Variants in METTL25 observed in about 807,000 individuals in gnomAD.
METTL25 encodes the protein methyltransferase like 25.
Under a neutral mutation model 71.6 loss-of-function variants are expected in METTL25, and 64 were observed. The observed-to-expected ratio is 0.89, with a 90% CI of 0.73 to 1.10. METTL25 has a LOEUF of 1.10. METTL25 is among the 50% of genes least tolerant of loss of function. The pLI, the probability that METTL25 is intolerant of heterozygous loss-of-function variation, is 0.00. For synonymous variants in METTL25, 287 were observed against 250.3 expected (o/e 1.15, Z -1.38); for missense variants, 807 against 707.0 (o/e 1.14, Z -1.60).
At chr12:82,394,286 T>G (rs1885883740) in intron 3 of METTL25, among the ~76,000 whole-genome samples, 1 of 152,018 alleles carries the variant, frequency 6.6e-6, no homozygotes, top group Non-Finnish European at 1.5e-5. Flanking sequence ...TGAATGGGAC[T>G]GTTGAAGTCC....
intron 1 of METTL25, among the ~76,000 whole-genome samples, chr12:82,373,852 G>A (rs1026878734): frequency 9.2e-5 from 14 of 152,202 alleles, no homozygotes; most frequent in Non-Finnish European, 1.8e-4. Flanking sequence ...TGTGTCTTTA[G>A]TCTGGAGGTC....
chr12:82,358,889 G>C (rs776441252), intron 1 of METTL25, 65 bp downstream of exon 1: 150 of 1,534,108 alleles, frequency 9.8e-5, no homozygotes, highest in Non-Finnish European at 1.3e-4. Flanking sequence ...GACGAAGCGA[G>C]CCCCCTGGTG....
At position 82,422,582 on chromosome 12, in the gene METTL25, A is replaced by G. The variant is rs558580968; in HGVS notation, c.1280-8311A>G. ...AGGAGAAGCAAATAAAGGGCATTCA[A>G]TTAGGAAAAGAGGAAGTCAAATTGT... On this transcript the variant is annotated intron_variant, in intron 5 of 11. Transcript: ENST00000248306. 1.2e-4 allele frequency among the ~76,000 whole-genome samples: 18 copies of G among 152,294 alleles called. No homozygotes were observed. In the East Asian group the frequency reaches 1.5e-3, roughly 13 times the overall value.
intron 1 of METTL25, among the ~76,000 whole-genome samples, chr12:82,381,742 A>G (rs1216892478): frequency 6.6e-6 from 1 of 152,240 alleles, no homozygotes; most frequent in Non-Finnish European, 1.5e-5. Flanking sequence ...TTAAGTCAAA[A>G]GTCAACTGCT....
intron 1 of METTL25, among the ~76,000 whole-genome samples, chr12:82,382,830 C>T (rs1185862208): frequency 1.3e-5 from 2 of 151,942 alleles, no homozygotes; most frequent in Non-Finnish European, 1.5e-5. Flanking sequence ...ATCCTAAGCT[C>T]CTCAAGTAGC....
Position 82,398,895 on chromosome 12 carries a change from A to G in METTL25, c.632A>G (p.His211Arg), listed in dbSNP as rs768781497. Residue 211 changes from histidine (H) to arginine (R), a missense_variant, in exon 4 of 12, where the codon CAT (histidine) becomes CGT (arginine). Coordinates refer to ENST00000248306, the MANE Select transcript of METTL25 (RefSeq NM_032230.3). ...YGIDSSNTNTHGAEERNRKLK... is the reference protein window; with the variant it reads ...YGIDSSNTNTRGAEERNRKLK... The stretch of plus-strand genomic sequence containing the variant: ...ATTGATTCTTCAAATACCAATACTC[A>G]TGGAGCTGAGGAGAGAAACAGAAAA... 1.2e-6 allele frequency: 2 copies of G among 1,612,102 alleles called. No homozygotes were observed. The highest frequency in any genetic ancestry group is 1.1e-5 in the South Asian group (1 of 90,758).
intron 5 of METTL25, among the ~76,000 whole-genome samples, chr12:82,423,943 G>A (rs1439386022): frequency 6.6e-6 from 1 of 152,178 alleles, no homozygotes; most frequent in Non-Finnish European, 1.5e-5. Flanking sequence ...TGCTGGGACT[G>A]TAAACTAGTT....
At chr12:82,472,692 A>G (rs996817014) in intron 9 of METTL25, among the ~76,000 whole-genome samples, 2 of 152,090 alleles carry the variant, frequency 1.3e-5, no homozygotes, top group African/African-American at 2.4e-5. Context: ...TAGGATTTCA[A>G]TTTGGTTCTT....
chr12:82,399,802 A>G (rs1204759668), intron 4 of METTL25, among the ~76,000 whole-genome samples: 1 of 152,162 alleles, frequency 6.6e-6, no homozygotes, highest in Admixed American at 6.5e-5. Context: ...GTAGCTTCTA[A>G]GTGTTCTTCA....
intron 8 of METTL25, among the ~76,000 whole-genome samples, chr12:82,448,713 C>T (rs1041762022): frequency 6.6e-6 from 1 of 151,740 alleles, no homozygotes; most frequent in Non-Finnish European, 1.5e-5. Context: ...TCATTTAATC[C>T]ATAATGTGTG....
At chr12:82,383,577 G>T (rs755202734) in intron 1 of METTL25, among the ~76,000 whole-genome samples, 1 of 152,090 alleles carries the variant, frequency 6.6e-6, no homozygotes, top group Non-Finnish European at 1.5e-5. Flanking sequence ...ACAGTGCCTG[G>T]CACATAGTAT....
In METTL25 at chr12:82,369,903, G is replaced by A. The variant is rs138847784; in HGVS notation, c.259+11079G>A. On this transcript the variant is annotated intron_variant, in intron 1 of 11. Transcript: ENST00000248306. ...CTAGATACAGAGTGCTGATTGGTGC[G>A]TTTTTACAGAGTGCTGATTGGTGCG... Among the ~76,000 whole-genome samples the A allele has an allele frequency of 5.7e-3, 862 of 152,096 alleles. 4 individuals are homozygous for A. The highest frequency in any genetic ancestry group is 0.014 in the Middle Eastern group (4 of 294).
intron 5 of METTL25, among the ~76,000 whole-genome samples, chr12:82,430,664 A>G (rs1301797711): frequency 6.6e-6 from 1 of 151,720 alleles, no homozygotes; most frequent in Non-Finnish European, 1.5e-5. Flanking sequence ...GGTTGGTACC[A>G]GACTTGGAAT....
At chr12:82,435,267 G>A (rs1023405085) in intron 7 of METTL25, among the ~76,000 whole-genome samples, 1 of 150,848 alleles carries the variant, frequency 6.6e-6, no homozygotes, top group African/African-American at 2.4e-5. Flanking sequence ...AAGAGTTTTT[G>A]GACCCTTTCA....
At position 82,449,079 on chromosome 12, in the gene METTL25, G is replaced by C. The variant is rs141240928; in HGVS notation, c.1479-7648G>C. On this transcript the variant is annotated intron_variant, in intron 8 of 11. Coordinates refer to ENST00000248306, the MANE Select transcript of METTL25 (RefSeq NM_032230.3). ...CAATTGCATTTTTGGAGAAGCATGT[G>C]GGTGTTGTTGGATTCACTTGAGTAG... is the stretch of plus-strand genomic sequence containing the variant. 8.1e-4 allele frequency among the ~76,000 whole-genome samples: 123 copies of C among 152,242 alleles called. 1 individual carries two copies. The highest frequency in any genetic ancestry group is 2.8e-3 in the African/African-American group (117 of 41,544).
Position 82,361,105 on chromosome 12 carries a change from G to A in METTL25, c.259+2281G>A, listed in dbSNP as rs1040933144. On this transcript the variant is annotated intron_variant, in intron 1 of 11. Transcript: ENST00000248306. ...TATCTGACCCCACCCACATCCTGCC[G>A]ATTGGTCCATTTTACAGAGAGCTGA... Among the ~76,000 whole-genome samples the A allele has an allele frequency of 3.3e-5, 5 of 152,110 alleles. No individual in the cohort carries two copies. The East Asian group carries it at 5.8e-4, about 18-fold the overall frequency.
At chr12:82,457,534 C>A (rs1163879325) in intron 9 of METTL25, among the ~76,000 whole-genome samples, 1 of 151,840 alleles carries the variant, frequency 6.6e-6, no homozygotes, top group East Asian at 1.9e-4. Flanking sequence ...TTTATTATAT[C>A]AATTATTCAT....
intron 5 of METTL25, among the ~76,000 whole-genome samples, chr12:82,421,745 A>G (rs1238852919): frequency 6.6e-6 from 1 of 152,206 alleles, no homozygotes; most frequent in Admixed American, 6.5e-5. Flanking sequence ...AATACAAACT[A>G]CCATCGGAGA....
chr12:82,440,031 C>T (rs999521089), intron 8 of METTL25, among the ~76,000 whole-genome samples: 1 of 151,906 alleles, frequency 6.6e-6, no homozygotes, highest in Non-Finnish European at 1.5e-5. Context: ...CCCCATTGAC[C>T]TTTTAGTCAC....
Sources: gnomAD v4.1 joint callset for allele counts (sites outside exome capture counted in the v4.1 genomes callset) on GRCh38, gnomAD v4.1.1 for gene constraint, MANE v1.5 for transcripts, NCBI Gene and HGNC (gene_info 2026-07-23, HGNC 2026-07-21) for gene names.